The following ACCSL variants were observed in gnomAD, a reference collection of about 807,000 sequenced individuals.
ACCSL encodes probable inactive 1-aminocyclopropane-1-carboxylate synthase-like protein 2.
Under a neutral mutation model 61.7 loss-of-function variants are expected in ACCSL, and 55 were observed. The ratio of observed to expected loss-of-function variants is 0.89; its 90% CI spans 0.72 to 1.12. The LOEUF is 1.12. Among genes scored for constraint, ACCSL ranks in the 50% most tolerant of loss-of-function variants. The probability of loss-of-function intolerance (pLI) is 0.00; values close to 1 mark genes in which losing one functional copy is unlikely to be tolerated. For synonymous variants in ACCSL, 258 were observed against 264.3 expected (o/e 0.98, Z 0.23); for missense variants, 632 against 698.0 (o/e 0.91, Z 1.07).
chr11:44,044,765 C>T (rs572573187), upstream of ACCSL, among the ~76,000 whole-genome samples: 37 of 152,302 alleles, frequency 2.4e-4, no homozygotes, highest in African/African-American at 8.9e-4. Flanking sequence ...GTTCCCACTT[C>T]ATTTCCCACA....
chr11:44,004,674 G>A, the ACCSL span, among the ~76,000 whole-genome samples: 1 of 152,178 alleles, frequency 6.6e-6, no homozygotes, highest in African/African-American at 2.4e-5. Context: ...TGACTCCAGG[G>A]TCTTTCCCTT....
chr11:43,949,851 A>G, the ACCSL span, among the ~76,000 whole-genome samples: 5 of 151,828 alleles, frequency 3.3e-5, no homozygotes, highest in Admixed American at 6.6e-5. Context: ...AACAACAACA[A>G]CAACAAAACA....
the ACCSL span, among the ~76,000 whole-genome samples, chr11:43,975,151 G>A: frequency 2.0e-5 from 3 of 152,162 alleles, no homozygotes; most frequent in East Asian, 5.8e-4. Flanking sequence ...GTTTATAGAA[G>A]CATTGTACCT....
At chr11:43,967,167 CTTTTTTTT>C in the ACCSL span, among the ~76,000 whole-genome samples, 10,863 of 62,410 alleles carry the variant, frequency 0.17, 295 homozygotes, top group South Asian at 0.26. Flanking sequence ...TCTTCTTCTT[CTTTTTTTT>C]TTTTTTTTTT....
the ACCSL span, among the ~76,000 whole-genome samples, chr11:43,937,452 A>G: frequency 6.6e-6 from 1 of 152,230 alleles, no homozygotes; most frequent in African/African-American, 2.4e-5. Flanking sequence ...CCAAGCTCAC[A>G]CAGTAAGTTC....
the ACCSL span, chr11:43,942,829 G>C: frequency 6.4e-6 from 7 of 1,101,518 alleles, no homozygotes; most frequent in African/African-American, 1.7e-5. Flanking sequence ...CTGCCTCCCG[G>C]GGGGCCCCGG....
chr11:43,934,128 C>T, the ACCSL span, among the ~76,000 whole-genome samples: 1 of 152,156 alleles, frequency 6.6e-6, no homozygotes, highest in Non-Finnish European at 1.5e-5. Flanking sequence ...CTCTCTCCCT[C>T]TCCTCTCTCT....
At chr11:44,028,890 A>G in the ACCSL span, among the ~76,000 whole-genome samples, 3 of 152,238 alleles carry the variant, frequency 2.0e-5, no homozygotes, top group Non-Finnish European at 4.4e-5. Context: ...AGCTTAAACA[A>G]TAAGTTTGGA....
chr11:44,059,752 G>A (rs1952696067), intron 13 of ACCSL, 86 bp from the exon 14 acceptor site: 2 of 1,100,636 alleles, frequency 1.8e-6, no homozygotes, highest in Non-Finnish European at 2.6e-6. Context: ...AGGCTTTTAT[G>A]GTTGACCATG....
the ACCSL span, among the ~76,000 whole-genome samples, chr11:43,964,287 C>G: frequency 6.6e-6 from 1 of 151,748 alleles, no homozygotes; most frequent in South Asian, 2.1e-4. Flanking sequence ...ACTAAAAATA[C>G]AAAAAATTAG....
the ACCSL span, among the ~76,000 whole-genome samples, chr11:43,979,504 G>T: frequency 6.6e-6 from 1 of 152,210 alleles, no homozygotes; most frequent in South Asian, 2.1e-4. Context: ...ACCACCTAAG[G>T]TGTCCTTCGT....
the ACCSL span, among the ~76,000 whole-genome samples, chr11:44,004,321 T>C: frequency 6.6e-6 from 1 of 151,924 alleles, no homozygotes; most frequent in South Asian, 2.1e-4. Flanking sequence ...TGGGCCAAGT[T>C]CTTGGTGTTT....
the ACCSL span, among the ~76,000 whole-genome samples, chr11:43,979,789 G>A: frequency 2.7e-5 from 4 of 150,128 alleles, no homozygotes; most frequent in Non-Finnish European, 5.9e-5. Flanking sequence ...GGGGGTTGCA[G>A]TGGGCTGAGA....
chr11:43,961,250 A>G, the ACCSL span, among the ~76,000 whole-genome samples: 8 of 152,116 alleles, frequency 5.3e-5, no homozygotes, highest in African/African-American at 1.9e-4. Flanking sequence ...CCACATGAAG[A>G]TATGGTGTGC....
At chr11:43,943,662 C>A in the ACCSL span, 2 of 1,305,016 alleles carry the variant, frequency 1.5e-6, no homozygotes, top group Non-Finnish European at 2.0e-6. The surrounding 1 kb of genome is among the most constrained non-coding windows in gnomAD (Gnocchi z 4.8). Flanking sequence ...CCAGCGCACA[C>A]CCATTCACAC....
chr11:44,004,619 C>A, the ACCSL span, among the ~76,000 whole-genome samples: 1 of 152,180 alleles, frequency 6.6e-6, no homozygotes, highest in Non-Finnish European at 1.5e-5. Context: ...GAAAATGAGG[C>A]CCTAGGAATC....
At chr11:43,943,954 G>A in the ACCSL span, 2 of 926,730 alleles carry the variant, frequency 2.2e-6, no homozygotes, top group African/African-American at 3.5e-5. This position sits in a 1 kb window ranked among gnomAD's most constrained non-coding sequence, Gnocchi z 4.8. Flanking sequence ...TGGGGGAGGA[G>A]GTGGCAGGGG....
chr11:44,019,371 GCAT>G, the ACCSL span, among the ~76,000 whole-genome samples: 1 of 152,180 alleles, frequency 6.6e-6, no homozygotes, highest in Non-Finnish European at 1.5e-5. Context: ...CAAAGTGGCT[GCAT>G]CATTTTACAA....
intron 1 of ACCSL, 94 bp from the exon 2 acceptor site, chr11:44,049,968 G>A: frequency 6.5e-7 from 1 of 1,527,260 alleles, no homozygotes; most frequent in Non-Finnish European, 9.1e-7. Context: ...TTGCCTCATA[G>A]GCAGTGAGAT....
Sources: allele counts gnomAD v4.1 joint callset (sites outside exome capture counted in the v4.1 genomes callset), GRCh38; gene constraint gnomAD v4.1.1; non-coding constraint Gnocchi (gnomAD v3.1); transcripts MANE v1.5; gene names NCBI Gene and HGNC (gene_info 2026-07-23, HGNC 2026-07-21).